Variants in DLGAP1 observed in about 807,000 individuals in gnomAD.
The protein encoded by DLGAP1 is disks large-associated protein 1.
DLGAP1 carries 11 observed loss-of-function variants against 90.8 expected under a neutral mutation model. That is an observed-to-expected ratio of 0.12 (90% CI 0.08 to 0.20). The LOEUF is 0.20. DLGAP1 is among the 10% of genes least tolerant of loss of function. The pLI is 1.00. For synonymous variants in DLGAP1, 558 were observed against 540.7 expected (o/e 1.03, Z -0.44); for missense variants, 1,050 against 1,333.8 (o/e 0.79, Z 3.31).
In DLGAP1 at chr18:3,711,006, C is replaced by T. The variant is rs566842104; in HGVS notation, c.1591+18129G>A. Among the ~76,000 whole-genome samples, 3 of 152,204 alleles carry T rather than the reference C, an allele frequency of 2.0e-5. No individual in the cohort carries two copies. The highest frequency in any genetic ancestry group is 6.5e-5 in the Admixed American group (1 of 15,278). The stretch of plus-strand genomic sequence containing the variant: ...GTCAGAGGGCAGGGCTAGGGAAACA[C>T]GGGAGTGAGGGCAAGAAGAAGGCCA... On this transcript the variant is annotated intron_variant, in intron 7 of 12. Coordinates refer to ENST00000315677, the MANE Select transcript of DLGAP1 (RefSeq NM_004746.4). This position sits in a 1 kb window ranked among gnomAD's most constrained non-coding sequence, Gnocchi z 4.0.
At chr18:3,870,654 A>G (rs988407963) in intron 4 of DLGAP1, among the ~76,000 whole-genome samples, 2 of 152,014 alleles carry the variant, frequency 1.3e-5, no homozygotes, top group Admixed American at 6.6e-5. Context: ...CTATCTATCA[A>G]ATAAAGTTTG....
chr18:4,288,966 A>G (rs531246224), intron 1 of DLGAP1, among the ~76,000 whole-genome samples: 130 of 152,246 alleles, frequency 8.5e-4, no homozygotes, highest in African/African-American at 3.1e-3. Flanking sequence ...CTGTTCTGTC[A>G]TGTGGCGCCC....
chr18:3,880,153 A>C lies in DLGAP1; in HGVS notation c.-72-13T>G. On this transcript the variant is annotated splice_polypyrimidine_tract_variant and intron_variant, in intron 3 of 12. Coordinates refer to ENST00000315677, the MANE Select transcript of DLGAP1 (RefSeq NM_004746.4). The stretch of plus-strand genomic sequence containing the variant: ...CTTGGGCAGGGATCTGGGGGAATGA[A>C]GAAAAGGGCAAAGTCGTTAACATTT... 8.1e-7 allele frequency: 1 copy of C among 1,239,940 alleles called. No individual in the cohort carries two copies. The highest frequency in any genetic ancestry group is 2.4e-5 in the East Asian group (1 of 42,032). The allele number at this position is 1,239,940 out of a possible 1,614,324, so 76.8% of individuals were successfully genotyped here.
At chr18:3,947,256 G>A (rs1293435514) in intron 3 of DLGAP1, among the ~76,000 whole-genome samples, 4 of 152,180 alleles carry the variant, frequency 2.6e-5, no homozygotes, top group Non-Finnish European at 5.9e-5. Flanking sequence ...AAAGCACTGA[G>A]CCGATACTTC....
intron 3 of DLGAP1, among the ~76,000 whole-genome samples, chr18:3,946,762 T>C (rs924730428): frequency 3.9e-5 from 6 of 152,170 alleles, no homozygotes; most frequent in African/African-American, 1.4e-4. Context: ...TAATTAAAGG[T>C]TCTGACTTAT....
chr18:3,645,760 T>C (rs75556007), intron 7 of DLGAP1, among the ~76,000 whole-genome samples: 2,738 of 152,350 alleles, frequency 0.018, 78 homozygotes, highest in African/African-American at 0.062. Flanking sequence ...CTTCTCTAGA[T>C]AGAAGAACCA....
intron 6 of DLGAP1, among the ~76,000 whole-genome samples, chr18:3,735,364 C>T (rs770510010): frequency 3.3e-5 from 5 of 151,942 alleles, no homozygotes; most frequent in Non-Finnish European, 7.4e-5. Flanking sequence ...GAACTAGAGG[C>T]GTGTGACACC....
intron 1 of DLGAP1, among the ~76,000 whole-genome samples, chr18:4,226,795 GAAAAGAAGACCAC>G (rs1384674238): frequency 6.6e-6 from 1 of 150,846 alleles, no homozygotes; most frequent in Non-Finnish European, 1.5e-5. Flanking sequence ...AGAAAAGAAG[GAAAAGAAGACCAC>G]AAAACAACCA....
At chr18:3,600,698 ATATCTATAGC>A (rs1568276890) in intron 7 of DLGAP1, among the ~76,000 whole-genome samples, 3 of 133,564 alleles carry the variant, frequency 2.2e-5, no homozygotes, top group African/African-American at 9.0e-5. Context: ...ATCTATATAG[ATATCTATAGC>A]TATATAGATA....
At chr18:4,189,034 A>G (rs1240341148) in intron 1 of DLGAP1, among the ~76,000 whole-genome samples, 3 of 152,142 alleles carry the variant, frequency 2.0e-5, no homozygotes, top group African/African-American at 4.8e-5. Context: ...CTTAAAAATG[A>G]TAATTACTTT....
At chr18:4,145,181 A>C (rs1271312922) in intron 2 of DLGAP1, among the ~76,000 whole-genome samples, 1 of 152,232 alleles carries the variant, frequency 6.6e-6, no homozygotes, top group Non-Finnish European at 1.5e-5. Flanking sequence ...GGTTTGAGAC[A>C]GCCTCATCAG....
intron 1 of DLGAP1, among the ~76,000 whole-genome samples, chr18:4,388,701 C>T (rs1462961): frequency 0.36 from 54,945 of 151,976 alleles, 10,156 homozygotes; most frequent in South Asian, 0.42. Context: ...CTCCCCCACC[C>T]GCTGGCTATT....
Position 4,368,636 on chromosome 18 carries a change from T to TACAC in DLGAP1, c.-267+86366_-267+86369dup, listed in dbSNP as rs55840615. 4.6e-3 allele frequency among the ~76,000 whole-genome samples: 627 copies of TACAC among 135,020 alleles called. 8 individuals carry two copies. The highest frequency in any genetic ancestry group is 0.014 in the African/African-American group (480 of 35,416). The allele number at this position is 135,020 out of a possible 152,430, so 88.6% of individuals were successfully genotyped here. On this transcript the variant is annotated intron_variant, in intron 1 of 12. Coordinates refer to ENST00000315677, the MANE Select transcript of DLGAP1 (RefSeq NM_004746.4). ...TTAAAATCTCTCTCTCTCTCTCTCA[T>TACAC]ACACACACACACACACACACACACA...
At chr18:3,535,673 A>C (rs562962446) in intron 9 of DLGAP1, among the ~76,000 whole-genome samples, 1 of 150,824 alleles carries the variant, frequency 6.6e-6, no homozygotes, top group East Asian at 2.0e-4. Flanking sequence ...GCACCACTGC[A>C]CTCTAGCCTG....
At chr18:4,242,657 C>T (rs760513923) in intron 1 of DLGAP1, among the ~76,000 whole-genome samples, 9 of 152,118 alleles carry the variant, frequency 5.9e-5, no homozygotes, top group African/African-American at 9.7e-5. Flanking sequence ...GAACCCGATA[C>T]CTGGTGGGCC....
intron 5 of DLGAP1, among the ~76,000 whole-genome samples, chr18:3,789,787 G>A (rs2065640682): frequency 6.6e-6 from 1 of 152,156 alleles, no homozygotes; most frequent in South Asian, 2.1e-4. Context: ...TAAGAGTGAT[G>A]AGGACCCAAG....
intron 1 of DLGAP1, among the ~76,000 whole-genome samples, chr18:4,206,297 G>C (rs527804839): frequency 6.6e-6 from 1 of 152,216 alleles, no homozygotes; most frequent in African/African-American, 2.4e-5. Flanking sequence ...CATGATTCCG[G>C]AAGTTTTTAA....
chr18:3,612,884 CAGGCTGG>C (rs1239296064), intron 7 of DLGAP1, among the ~76,000 whole-genome samples: 4 of 152,046 alleles, frequency 2.6e-5, no homozygotes, highest in Non-Finnish European at 5.9e-5. Context: ...TCTTGTCACC[CAGGCTGG>C]AGTACAATGG....
chr18:3,540,910 C>T (rs2052656863), intron 9 of DLGAP1, among the ~76,000 whole-genome samples: 1 of 152,104 alleles, frequency 6.6e-6, no homozygotes, highest in African/African-American at 2.4e-5. Flanking sequence ...TCTGAGAGGG[C>T]CCAGCATGCT....
Sources: gnomAD v4.1 joint callset for allele counts (sites outside exome capture counted in the v4.1 genomes callset) on GRCh38, gnomAD v4.1.1 for gene constraint, Gnocchi (gnomAD v3.1) non-coding constraint, MANE v1.5 for transcripts, NCBI Gene and HGNC (gene_info 2026-07-23, HGNC 2026-07-21) for gene names.